ATP8A2: variants seen among roughly 807,000 people sequenced by gnomAD.
The protein encoded by ATP8A2 is ATPase phospholipid transporting 8A2, also known as phospholipid-transporting ATPase IB.
ATP8A2 carries 100 observed loss-of-function variants against 165.6 expected under a neutral mutation model. That is an observed-to-expected ratio of 0.60 (90% confidence interval 0.51 to 0.71). The LOEUF (loss-of-function observed/expected upper bound fraction) is 0.71, where lower values mean the gene tolerates loss of function less well. Among genes scored for constraint, ATP8A2 ranks in the 30% least tolerant of loss-of-function variants. The pLI is 0.00. For synonymous variants in ATP8A2, 543 were observed against 548.8 expected (o/e 0.99, Z 0.15); for missense variants, 1,227 against 1,479.5 (o/e 0.83, Z 2.80).
intron 33 of ATP8A2, among the ~76,000 whole-genome samples, chr13:25,938,004 C>A (rs1954963392): frequency 6.6e-6 from 1 of 151,768 alleles, no homozygotes; most frequent in Non-Finnish European, 1.5e-5. Flanking sequence ...AAGAATCAGT[C>A]AAAAGTATTC....
intron 1 of ATP8A2, among the ~76,000 whole-genome samples, chr13:25,462,566 G>T (rs1016227954): frequency 6.6e-6 from 1 of 152,152 alleles, no homozygotes; most frequent in Admixed American, 6.5e-5. Context: ...CTGAGTTTCA[G>T]TGTCCACAAG....
intron 30 of ATP8A2, among the ~76,000 whole-genome samples, chr13:25,842,735 G>T (rs981734284): frequency 4.0e-5 from 6 of 150,846 alleles, no homozygotes; most frequent in African/African-American, 1.5e-4. Flanking sequence ...GGGAGGGAAA[G>T]GAAGAAGGAA....
intron 24 of ATP8A2, among the ~76,000 whole-genome samples, chr13:25,626,077 A>G (rs1488265937): frequency 6.6e-6 from 1 of 152,198 alleles, no homozygotes. Flanking sequence ...ATACTCACTG[A>G]ACACAAGTGG....
intron 25 of ATP8A2, among the ~76,000 whole-genome samples, chr13:25,742,676 TC>T (rs1566096106): frequency 1.2e-3 from 143 of 116,376 alleles, no homozygotes; most frequent in African/African-American, 3.3e-3. Context: ...TCTCTCTCTC[TC>T]TGTCTTTTTT....
In ATP8A2 at chr13:25,801,195, T is replaced by C. The variant is rs375624078; in HGVS notation, c.2679+26236T>C. 7.9e-4 allele frequency among the ~76,000 whole-genome samples: 121 copies of C among 152,294 alleles called. 1 individual carries two copies. The highest frequency in any genetic ancestry group is 3.1e-3 in the South Asian group (15 of 4,832). ...TGCTCCACCTCCAGGCTCTAGGTAC[T>C]CTACTTCGGAGTGCAGTCTGCGCTC... On this transcript the variant is annotated intron_variant, in intron 27 of 36. Transcript: ENST00000381655.
chr13:25,704,553 C>T (rs1202904072), intron 25 of ATP8A2, among the ~76,000 whole-genome samples: 1 of 152,052 alleles, frequency 6.6e-6, no homozygotes, highest in African/African-American at 2.4e-5. Context: ...CCAGGCTGCT[C>T]TCAAACTCCT....
At chr13:25,572,404 G>A (rs1431372338) in intron 18 of ATP8A2, among the ~76,000 whole-genome samples, 1 of 152,198 alleles carries the variant, frequency 6.6e-6, no homozygotes, top group South Asian at 2.1e-4. Flanking sequence ...CTCCCAAAGT[G>A]CTGGGACAGG....
chr13:25,934,925 T>A (rs80286175), intron 33 of ATP8A2, among the ~76,000 whole-genome samples: 1,633 of 152,298 alleles, frequency 0.011, 25 homozygotes, highest in African/African-American at 0.037. Context: ...GGGTCCTGAA[T>A]GAAGGGGCAA....
At chr13:25,764,869 A>G (rs529042073) in intron 25 of ATP8A2, among the ~76,000 whole-genome samples, 1 of 152,336 alleles carries the variant, frequency 6.6e-6, no homozygotes, top group South Asian at 2.1e-4. Context: ...CAAATCTACA[A>G]TCGAGATCCA....
chr13:25,837,759 T>C (rs1045864760), intron 29 of ATP8A2, among the ~76,000 whole-genome samples: 2 of 152,062 alleles, frequency 1.3e-5, no homozygotes, highest in African/African-American at 4.8e-5. Context: ...ATTGACTAGA[T>C]ATGAACTCAG....
At chr13:25,383,657 CT>C (rs1334400161) in intron 1 of ATP8A2, among the ~76,000 whole-genome samples, 1 of 152,012 alleles carries the variant, frequency 6.6e-6, no homozygotes, top group South Asian at 2.1e-4. Context: ...TTTTGCTTAC[CT>C]TTTTGAAATT....
chr13:25,535,505 C>G (rs1420925929), intron 6 of ATP8A2, among the ~76,000 whole-genome samples: 1 of 152,114 alleles, frequency 6.6e-6, no homozygotes, highest in African/African-American at 2.4e-5. Context: ...ACACAAGGAA[C>G]AATCATGTAA....
At chr13:25,660,665 A>AG (rs989884951) in intron 24 of ATP8A2, among the ~76,000 whole-genome samples, 13 of 152,250 alleles carry the variant, frequency 8.5e-5, no homozygotes, top group African/African-American at 3.1e-4. Context: ...GAAAAAAAAA[A>AG]GAGAGTATGT....
At chr13:25,755,533 C>A (rs547289847) in intron 25 of ATP8A2, among the ~76,000 whole-genome samples, 192 of 152,326 alleles carry the variant, frequency 1.3e-3, no homozygotes, top group African/African-American at 4.4e-3. Flanking sequence ...TAGGAACTTA[C>A]TATCTTATTT....
intron 24 of ATP8A2, among the ~76,000 whole-genome samples, chr13:25,658,835 G>A (rs750860920): frequency 1.3e-5 from 2 of 152,034 alleles, no homozygotes; most frequent in Non-Finnish European, 2.9e-5. Flanking sequence ...TTTGCTCAGA[G>A]CCACCCCATA....
intron 33 of ATP8A2, among the ~76,000 whole-genome samples, chr13:25,922,999 T>C (rs1227097128): frequency 6.6e-6 from 1 of 152,182 alleles, no homozygotes; most frequent in African/African-American, 2.4e-5. Flanking sequence ...CTCTTTTCCG[T>C]TGATTTTCAA....
At chr13:25,713,768 C>A (rs982638999) in intron 25 of ATP8A2, among the ~76,000 whole-genome samples, 1 of 151,944 alleles carries the variant, frequency 6.6e-6, no homozygotes, top group Non-Finnish European at 1.5e-5. Context: ...TGACAAACAA[C>A]GTGCCATGTT....
chr13:25,559,865 T>C, intron 15 of ATP8A2, 100 bp downstream of exon 15: 1 of 890,072 alleles, frequency 1.1e-6, no homozygotes, highest in Non-Finnish European at 1.8e-6. Context: ...CCTCACTCTA[T>C]TGCACAGGAT....
At chr13:25,920,396 A>C (rs111365416) in intron 33 of ATP8A2, among the ~76,000 whole-genome samples, 8 of 152,220 alleles carry the variant, frequency 5.3e-5, no homozygotes, top group African/African-American at 1.7e-4. Flanking sequence ...ATCTACACAC[A>C]TTATTAACAC....
Sources: allele counts gnomAD v4.1 joint callset (sites outside exome capture counted in the v4.1 genomes callset), GRCh38; gene constraint gnomAD v4.1.1; transcripts MANE v1.5; gene names NCBI Gene and HGNC (gene_info 2026-07-23, HGNC 2026-07-21).